AFF4: variants seen among roughly 807,000 people sequenced by gnomAD.
AFF4 encodes ALF transcription elongation factor 4, also known as AF4/FMR2 family member 4.
In AFF4, 13 loss-of-function variants were observed where a neutral mutation model predicts 124.8. That is an observed-to-expected ratio of 0.10 (90% confidence interval 0.07 to 0.17). The LOEUF (loss-of-function observed/expected upper bound fraction) is 0.17, where lower values mean the gene tolerates loss of function less well. AFF4 is among the 10% of genes least tolerant of loss of function. The probability of loss-of-function intolerance (pLI) is 1.00; values close to 1 mark genes in which losing one functional copy is unlikely to be tolerated. For missense variants in AFF4, 1,092 were observed against 1,403.8 expected, an observed-to-expected ratio of 0.78 and a Z score of 3.55; for synonymous variants, 477 against 496.1, an observed-to-expected ratio of 0.96 and a Z score of 0.51.
At chr5:132,947,831 A>G (rs972470540) in intron 1 of AFF4, among the ~76,000 whole-genome samples, 1 of 152,180 alleles carries the variant, frequency 6.6e-6, no homozygotes, top group Non-Finnish European at 1.5e-5. Context: ...ATAACAAAAC[A>G]TCAGGTCCCA....
Position 132,899,118 on chromosome 5 carries a change from C to T in AFF4, c.1212G>A (p.Arg404=). 1 of 1,613,474 alleles carries T rather than the reference C, an allele frequency of 6.2e-7. No individual in the cohort carries two copies. The highest frequency in any genetic ancestry group is 1.1e-5 in the South Asian group (1 of 91,040). ...GEQDCDKTMP[R]STPGSNSEPS... Reference sequence around the variant, plus strand: ...AGGATGCCCACCTTCCTGGTGTACTCCTCGGCATTGTCTTATCACAATCCT... The same window carrying T: ...AGGATGCCCACCTTCCTGGTGTACTTCTCGGCATTGTCTTATCACAATCCT... The change falls in exon 9 of 21, where the codon AGG becomes AGA. Residue 404 remains arginine (R), a synonymous_variant. Transcript: ENST00000265343.
intron 11 of AFF4, among the ~76,000 whole-genome samples, chr5:132,895,085 A>T (rs1217815093): frequency 2.0e-5 from 3 of 152,232 alleles, no homozygotes; most frequent in Non-Finnish European, 4.4e-5. Flanking sequence ...ACAAGCTCTT[A>T]TTCCACATTA....
At chr5:132,885,482 T>TGGGG (rs1561478967) in intron 18 of AFF4, among the ~76,000 whole-genome samples, 3 of 1,650 alleles carry the variant, frequency 1.8e-3, no homozygotes, top group African/African-American at 5.0e-3. Context: ...GGTGGGTGGG[T>TGGGG]GGGTGGGGAG....
intron 13 of AFF4, among the ~76,000 whole-genome samples, chr5:132,891,466 G>A (rs1288120506): frequency 1.3e-5 from 2 of 152,128 alleles, no homozygotes; most frequent in Admixed American, 1.3e-4. Flanking sequence ...GAGGTTGAGT[G>A]ACTATTAAAG....
intron 1 of AFF4, chr5:132,943,044 G>C (rs1761610163): frequency 4.8e-6 from 1 of 209,190 alleles, no homozygotes; most frequent in African/African-American, 2.3e-5. Context: ...CTTGAGGCCA[G>C]AAAGTATTAT....
At chr5:132,892,925 A>G (rs1041050609) in intron 12 of AFF4, 105 bp downstream of exon 12, 2 of 1,070,658 alleles carry the variant, frequency 1.9e-6, no homozygotes, top group African/African-American at 3.1e-5. Context: ...TTTATATAAC[A>G]CTTGCTTACT....
rs369340003 is a variant in AFF4 at position 132,893,124 on chromosome 5, T to C, written c.2308-6A>G. On this transcript the variant is annotated splice_region_variant and splice_polypyrimidine_tract_variant and intron_variant, in intron 11 of 20. Coordinates refer to ENST00000265343, the MANE Select transcript of AFF4 (RefSeq NM_014423.4). ...GCTCGGTTATCATCTTCATTCTAGA[T>C]GAAAAATAGAAACCGTGGTCTGATT... The C allele has an allele frequency of 2.9e-5, 47 of 1,613,258 alleles. No individual in the cohort carries two copies. Among genetic ancestry groups the C allele is most frequent in the Non-Finnish European group, 3.7e-5 (44 of 1,179,402 alleles).
rs35471619 is a variant in AFF4, at chr5:132,962,804, CTT to C, written c.-5+453_-5+454del. ...AAGTCGAAGGCGGAAATTTTTCCTT[CTT>C]TTTTTTTTTTTTTTGCGGGGGTGGG... On this transcript the variant is annotated intron_variant, in intron 1 of 20. Coordinates refer to ENST00000265343, the MANE Select transcript of AFF4 (RefSeq NM_014423.4). Among the ~76,000 whole-genome samples, 983 of 129,602 alleles carry C rather than the reference CTT, an allele frequency of 7.6e-3. 9 individuals are homozygous for C. The highest frequency in any genetic ancestry group is 0.025 in the African/African-American group (849 of 34,196). 85.0% of individuals were successfully genotyped at this position (129,602 alleles called of 152,430 possible).
chr5:132,912,653 G>A (rs10058987), intron 5 of AFF4, among the ~76,000 whole-genome samples: 31,156 of 151,928 alleles, frequency 0.21, 3,477 homozygotes, highest in African/African-American at 0.28. Flanking sequence ...GAGCCATTGC[G>A]CCCAGCCTAA....
At chr5:132,922,448 A>G (rs928084788) in intron 5 of AFF4, among the ~76,000 whole-genome samples, 1 of 152,128 alleles carries the variant, frequency 6.6e-6, no homozygotes, top group African/African-American at 2.4e-5. Context: ...ATTTATACAA[A>G]GATTTATACA....
chr5:132,887,772 A>G, intron 16 of AFF4, 74 bp downstream of exon 16: 1 of 1,571,406 alleles, frequency 6.4e-7, no homozygotes, highest in South Asian at 1.2e-5. Context: ...TCAGTTTACT[A>G]TATATCAGCC....
chr5:132,903,138 G>GA (rs1197822462), intron 6 of AFF4, among the ~76,000 whole-genome samples: 1 of 151,568 alleles, frequency 6.6e-6, no homozygotes, highest in Non-Finnish European at 1.5e-5. Flanking sequence ...AACAAGCTGA[G>GA]AAAAAAAAGG....
intron 5 of AFF4, among the ~76,000 whole-genome samples, chr5:132,913,093 G>A (rs1760831586): frequency 6.6e-6 from 1 of 151,966 alleles, no homozygotes; most frequent in Non-Finnish European, 1.5e-5. Context: ...GCAAAAGGTT[G>A]GAAAAAACTA....
At chr5:132,886,270 T>C (rs1460101768) in intron 18 of AFF4, 40 bp downstream of exon 18, 3 of 1,565,510 alleles carry the variant, frequency 1.9e-6, no homozygotes, top group Non-Finnish European at 2.6e-6. Context: ...CTACAAATTC[T>C]GTCTCCTAGG....
intron 1 of AFF4, among the ~76,000 whole-genome samples, chr5:132,948,006 T>C (rs1486557339): frequency 1.3e-5 from 2 of 152,334 alleles, no homozygotes; most frequent in East Asian, 1.9e-4. Flanking sequence ...AATTTCTTAC[T>C]GTATTTCATA....
chr5:132,880,456 T>C lies in AFF4; in HGVS notation c.*603A>G, dbSNP rs973579240. The C allele has an allele frequency of 1.6e-4, 64 of 397,702 alleles. No individual in the cohort carries two copies. The highest frequency in any genetic ancestry group is 1.3e-3 in the African/African-American group (64 of 48,620). 24.6% of individuals were successfully genotyped at this position (397,702 alleles called of 1,614,324 possible). On this transcript the variant is annotated 3_prime_UTR_variant, in exon 21 of 21. Transcript: ENST00000265343. The stretch of plus-strand genomic sequence containing the variant: ...TTCTCATATTTAAGTGATTTTTTCA[T>C]GTGTAGAAGAATATCCTTAATACTA...
chr5:132,921,033 A>C (rs1055677072), intron 5 of AFF4, among the ~76,000 whole-genome samples: 20 of 151,602 alleles, frequency 1.3e-4, no homozygotes, highest in African/African-American at 4.9e-4. Context: ...AGGCCGAGGC[A>C]GGAGAATGGT....
At chr5:132,892,706 T>C (rs1417962111) in intron 12 of AFF4, among the ~76,000 whole-genome samples, 1 of 152,194 alleles carries the variant, frequency 6.6e-6, no homozygotes, top group Non-Finnish European at 1.5e-5. Flanking sequence ...ATTACCACTT[T>C]TAAGTTGGCA....
At chr5:132,899,078 A>G (rs1448125618) in intron 9 of AFF4, 26 bp downstream of exon 9, 1 of 1,608,202 alleles carries the variant, frequency 6.2e-7, no homozygotes, top group South Asian at 1.1e-5. Context: ...TCTTACCAAT[A>G]AAACAGAAAA....
Sources: gnomAD v4.1 joint callset for allele counts (sites outside exome capture counted in the v4.1 genomes callset) on GRCh38, gnomAD v4.1.1 for gene constraint, MANE v1.5 for transcripts, NCBI Gene and HGNC (gene_info 2026-07-23, HGNC 2026-07-21) for gene names.